The following LIMS1 variants were observed in gnomAD, a reference collection of about 807,000 sequenced individuals.
LIMS1 encodes the protein LIM and senescent cell antigen-like-containing domain protein 1.
LIMS1 carries 18 observed loss-of-function variants against 44.1 expected under a neutral mutation model. The observed-to-expected ratio is 0.41, with a 90% confidence interval of 0.28 to 0.61. The LOEUF is 0.61. Ranked by LOEUF, LIMS1 falls within the 20% of genes least tolerant of loss-of-function variation. LIMS1 has a pLI of 0.32. For synonymous variants in LIMS1, 93 were observed against 149.1 expected (o/e 0.62, Z 2.74); for missense variants, 201 against 422.0 (o/e 0.48, Z 4.59).
chr2:108,669,683 A>C lies in LIMS1; in HGVS notation c.193-1098A>C, dbSNP rs201700499. Among the ~76,000 whole-genome samples, 8 of 152,160 alleles carry C rather than the reference A, an allele frequency of 5.3e-5. No homozygotes were observed. The East Asian group carries it at 1.2e-3, about 22-fold the overall frequency. Reference sequence around the variant, plus strand: ...AGACATTACTATAACATTTCTCACAAGTTAGTAATGTGAAAAAGGCTTCTT... The same window carrying C: ...AGACATTACTATAACATTTCTCACACGTTAGTAATGTGAAAAAGGCTTCTT... On this transcript the variant is annotated intron_variant, in intron 2 of 9. Coordinates refer to ENST00000544547, the Ensembl canonical transcript of LIMS1.
At chr2:108,654,270 G>T (rs1479088924) in intron 1 of LIMS1, among the ~76,000 whole-genome samples, 1 of 152,066 alleles carries the variant, frequency 6.6e-6, no homozygotes, top group Non-Finnish European at 1.5e-5. Context: ...GCCAAAGTAT[G>T]TAACAGTTTC....
At chr2:108,603,887 T>C (rs986872276) in intron 1 of LIMS1, among the ~76,000 whole-genome samples, 1 of 152,234 alleles carries the variant, frequency 6.6e-6, no homozygotes, top group Non-Finnish European at 1.5e-5. Context: ...GGATTTGGTT[T>C]GCTCTTGCCT....
At chr2:108,622,973 A>ATTTTT (rs68115708) in intron 1 of LIMS1, among the ~76,000 whole-genome samples, 1 of 123,128 alleles carries the variant, frequency 8.1e-6, no homozygotes, top group Non-Finnish European at 1.8e-5. Flanking sequence ...AAACAACTAG[A>ATTTTT]TTTTTTTTTT....
intron 1 of LIMS1, among the ~76,000 whole-genome samples, chr2:108,649,150 T>A (rs903292948): frequency 1.3e-5 from 2 of 151,790 alleles, no homozygotes; most frequent in African/African-American, 2.4e-5. Flanking sequence ...AAAAACCCCA[T>A]CAAAAAGTGG....
intron 1 of LIMS1, among the ~76,000 whole-genome samples, chr2:108,629,927 T>C (rs2148892096): frequency 6.6e-6 from 1 of 152,302 alleles, no homozygotes; most frequent in South Asian, 2.1e-4. Context: ...GCACTGTCGC[T>C]CATGCCTGTA....
At chr2:108,540,344 G>A (rs1009476289) in intron 1 of LIMS1, among the ~76,000 whole-genome samples, 4 of 151,776 alleles carry the variant, frequency 2.6e-5, no homozygotes, top group South Asian at 2.1e-4. Context: ...GACTACAGGC[G>A]CCTGCCACAA....
chr2:108,638,278 A>G (rs1689414544), intron 1 of LIMS1, among the ~76,000 whole-genome samples: 1 of 152,258 alleles, frequency 6.6e-6, no homozygotes, highest in Non-Finnish European at 1.5e-5. Flanking sequence ...GAGGAAAGTT[A>G]CGCCAAAGGC....
chr2:108,662,342 A>T, intron 2 of LIMS1: 1 of 1,609,588 alleles, frequency 6.2e-7, no homozygotes, highest in Non-Finnish European at 8.5e-7. Flanking sequence ...AGTCAGAGGG[A>T]AAAGCTCAGA....
chr2:108,661,926 T>A (rs952837703), intron 2 of LIMS1, among the ~76,000 whole-genome samples: 3 of 152,142 alleles, frequency 2.0e-5, no homozygotes, highest in African/African-American at 7.2e-5. Context: ...AAATGTCTGA[T>A]AACATAGCAG....
At chr2:108,613,208 A>T (rs1329856744) in intron 1 of LIMS1, among the ~76,000 whole-genome samples, 1 of 152,254 alleles carries the variant, frequency 6.6e-6, no homozygotes, top group East Asian at 1.9e-4. Flanking sequence ...ATTATATTAC[A>T]TAAATAGTTG....
chr2:108,638,372 A>G (rs1276358741), intron 1 of LIMS1, among the ~76,000 whole-genome samples: 2 of 152,202 alleles, frequency 1.3e-5, no homozygotes, highest in Admixed American at 6.5e-5. Flanking sequence ...CTCTGCAGGC[A>G]GTCTAGGGAC....
rs200154866 is a variant in LIMS1 at position 108,561,746 on chromosome 2, G to GTTTT, written c.32+27163_32+27166dup. Among the ~76,000 whole-genome samples the GTTTT allele has an allele frequency of 3.8e-3, 516 of 134,112 alleles. 4 individuals are homozygous for GTTTT. The highest frequency in any genetic ancestry group is 5.3e-3 in the Non-Finnish European group (339 of 63,442). 88.0% of individuals were successfully genotyped at this position (134,112 alleles called of 152,430 possible). A position where few individuals can be genotyped will look rare whatever the true frequency, so the allele number is the denominator to read the frequency against. ...TCTGTGATCAGCAGTGTTTTTTTTT[G>GTTTT]TTTTTTTTTTTTTTGAGGCGGAGTC... On this transcript the variant is annotated intron_variant, in intron 1 of 9. Transcript: ENST00000544547.
chr2:108,639,060 T>A (rs1449753386), intron 1 of LIMS1, among the ~76,000 whole-genome samples: 1 of 151,896 alleles, frequency 6.6e-6, no homozygotes, highest in Non-Finnish European at 1.5e-5. Flanking sequence ...AAAAAATGTC[T>A]ACTTAAGGGC....
At chr2:108,574,819 G>GT (rs1171989039) in intron 1 of LIMS1, among the ~76,000 whole-genome samples, 6 of 151,988 alleles carry the variant, frequency 3.9e-5, no homozygotes, top group East Asian at 1.9e-4. Context: ...TTTCAGCTAC[G>GT]TTTTTTTGGT....
exon 10 of LIMS1, chr2:108,686,833 T>C (rs909304696): frequency 1.3e-5 from 2 of 152,002 alleles, no homozygotes; most frequent in African/African-American, 4.8e-5. Flanking sequence ...GTTCATAATA[T>C]TTTTAATAGG....
intron 1 of LIMS1, among the ~76,000 whole-genome samples, chr2:108,582,978 C>T (rs1685942909): frequency 6.6e-6 from 1 of 151,960 alleles, no homozygotes; most frequent in Non-Finnish European, 1.5e-5. Flanking sequence ...TATTTAGAAA[C>T]TCAAATCCTT....
intron 1 of LIMS1, among the ~76,000 whole-genome samples, chr2:108,541,843 G>A (rs1200575970): frequency 6.6e-6 from 1 of 152,254 alleles, no homozygotes; most frequent in Non-Finnish European, 1.5e-5. Flanking sequence ...AGCCCCCGCT[G>A]TGTAGTAGGG....
chr2:108,594,388 T>C (rs1162062314), intron 1 of LIMS1, among the ~76,000 whole-genome samples: 5 of 152,186 alleles, frequency 3.3e-5, no homozygotes, highest in Admixed American at 3.3e-4. Context: ...ACACATTTAG[T>C]GTTGCTGAAC....
At chr2:108,662,216 G>A (rs1691425775) in intron 2 of LIMS1, 1 of 1,611,858 alleles carries the variant, frequency 6.2e-7, no homozygotes, top group Non-Finnish European at 8.5e-7. Context: ...CTCCCATTTT[G>A]CCTGTGACTT....
Sources: gnomAD v4.1 joint callset for allele counts (sites outside exome capture counted in the v4.1 genomes callset) on GRCh38, gnomAD v4.1.1 for gene constraint, MANE v1.5 for transcripts, NCBI Gene and HGNC (gene_info 2026-07-23, HGNC 2026-07-21) for gene names.